The following CDK17 variants were observed in gnomAD, a reference collection of about 807,000 sequenced individuals.
CDK17 encodes the protein cyclin dependent kinase 17, also known as cyclin-dependent kinase 17.
Under a neutral mutation model 77.6 loss-of-function variants are expected in CDK17, and 24 were observed. The ratio of observed to expected loss-of-function variants is 0.31; its 90% CI spans 0.22 to 0.44. CDK17 has a LOEUF of 0.44. CDK17 is among the 20% of genes least tolerant of loss of function. The probability of loss-of-function intolerance (pLI) is 1.00; values close to 1 mark genes in which losing one functional copy is unlikely to be tolerated. For synonymous variants in CDK17, 203 were observed against 210.4 expected, an observed-to-expected ratio of 0.96 and a Z score of 0.30; for missense variants, 429 against 622.5, an observed-to-expected ratio of 0.69 and a Z score of 3.31.
intron 1 of CDK17, among the ~76,000 whole-genome samples, chr12:96,370,325 T>C (rs1440084174): frequency 6.6e-6 from 1 of 152,242 alleles, no homozygotes; most frequent in African/African-American, 2.4e-5. Context: ...AAAATGTGAA[T>C]ACATTTTCCT....
chr12:96,398,340 A>T (rs746056216), intron 1 of CDK17, among the ~76,000 whole-genome samples: 1 of 152,234 alleles, frequency 6.6e-6, no homozygotes, highest in Non-Finnish European at 1.5e-5. Flanking sequence ...AAAAATTGAA[A>T]TGACTTCATT....
At chr12:96,314,059 A>G (rs1190040321) in intron 3 of CDK17, among the ~76,000 whole-genome samples, 2 of 152,216 alleles carry the variant, frequency 1.3e-5, no homozygotes, top group African/African-American at 2.4e-5. Context: ...CAAGTTTATG[A>G]TCTTCAAATA....
intron 1 of CDK17, among the ~76,000 whole-genome samples, chr12:96,339,817 C>T (rs1953097927): frequency 6.6e-6 from 1 of 151,850 alleles, no homozygotes. Flanking sequence ...GTAATCCTAG[C>T]TACTTGGGCT....
intron 5 of CDK17, among the ~76,000 whole-genome samples, chr12:96,304,469 G>A (rs542098696): frequency 1.6e-4 from 25 of 152,102 alleles, no homozygotes; most frequent in Non-Finnish European, 3.2e-4. Flanking sequence ...CCCAGGAGGC[G>A]GAGATTGCAG....
At chr12:96,305,704 T>C (rs1176822575) in intron 5 of CDK17, among the ~76,000 whole-genome samples, 1 of 151,080 alleles carries the variant, frequency 6.6e-6, no homozygotes. Flanking sequence ...AAGGAGGGAG[T>C]TTTCGGTTAA....
rs750269573 is a variant in CDK17 at position 96,334,837 on chromosome 12, C to A, written c.-1G>T. 2.0e-6 allele frequency: 3 copies of A among 1,485,080 alleles called. No homozygotes were observed. The highest frequency in any genetic ancestry group is 2.8e-6 in the Non-Finnish European group (3 of 1,063,306). The allele number at this position is 1,485,080 out of a possible 1,614,324, so 92.0% of individuals were successfully genotyped here. A position where few individuals can be genotyped will look rare whatever the true frequency, so the allele number is the denominator to read the frequency against. On this transcript the variant is annotated 5_prime_UTR_variant, in exon 2 of 17. Coordinates refer to ENST00000261211, the MANE Select transcript of CDK17 (RefSeq NM_002595.5). The stretch of plus-strand genomic sequence containing the variant: ...ATAGCCTTCTCTTAAATTTTTTCAT[C>A]CTATCAATTGAATGTGGCTTGAAAA...
intron 1 of CDK17, among the ~76,000 whole-genome samples, chr12:96,380,381 A>G (rs1222569254): frequency 6.6e-6 from 1 of 150,642 alleles, no homozygotes; most frequent in East Asian, 2.0e-4. Context: ...TCCTGGGTTC[A>G]TATAATTCTC....
intron 1 of CDK17, among the ~76,000 whole-genome samples, chr12:96,336,034 C>G (rs1321402534): frequency 6.6e-6 from 1 of 152,072 alleles, no homozygotes; most frequent in Non-Finnish European, 1.5e-5. Context: ...TTCTAAGTAA[C>G]TGAGTTTACT....
chr12:96,317,997 G>T (rs1380536442), intron 3 of CDK17, among the ~76,000 whole-genome samples: 1 of 151,990 alleles, frequency 6.6e-6, no homozygotes, highest in East Asian at 1.9e-4. Flanking sequence ...AAAAGACACA[G>T]ACTGGCAAGT....
chr12:96,296,412 ATG>A (rs1422600707), intron 9 of CDK17, among the ~76,000 whole-genome samples: 1 of 152,234 alleles, frequency 6.6e-6, no homozygotes, highest in Non-Finnish European at 1.5e-5. Context: ...ATCCTTAGCA[ATG>A]TGTTATCCAT....
At chr12:96,348,262 C>G (rs1035692624) in intron 1 of CDK17, among the ~76,000 whole-genome samples, 20 of 151,700 alleles carry the variant, frequency 1.3e-4, no homozygotes, top group African/African-American at 4.6e-4. Context: ...TTTAAAAGAT[C>G]AACAAAATAG....
intron 1 of CDK17, among the ~76,000 whole-genome samples, chr12:96,341,713 T>C (rs1953125012): frequency 6.6e-6 from 1 of 152,176 alleles, no homozygotes; most frequent in South Asian, 2.1e-4. Flanking sequence ...AAAATATGCA[T>C]ACCATACACT....
At chr12:96,329,036 G>C (rs956173350) in intron 2 of CDK17, among the ~76,000 whole-genome samples, 2 of 152,150 alleles carry the variant, frequency 1.3e-5, no homozygotes, top group African/African-American at 4.8e-5. Context: ...AGGGAAATAA[G>C]TCAGACACAA....
chr12:96,311,934 T>C (rs561425414), intron 4 of CDK17, among the ~76,000 whole-genome samples: 19 of 152,162 alleles, frequency 1.2e-4, no homozygotes, highest in Admixed American at 8.5e-4. Context: ...AATGTATCAA[T>C]AGAATAAACA....
At chr12:96,349,553 G>C (rs1482550401) in intron 1 of CDK17, among the ~76,000 whole-genome samples, 1 of 130,900 alleles carries the variant, frequency 7.6e-6, no homozygotes, top group Non-Finnish European at 1.6e-5. Flanking sequence ...AAAAAAAAAA[G>C]GATTTTACAA....
intron 1 of CDK17, among the ~76,000 whole-genome samples, chr12:96,391,834 A>C (rs1300202437): frequency 6.6e-6 from 1 of 152,220 alleles, no homozygotes; most frequent in African/African-American, 2.4e-5. Flanking sequence ...GTTGGCCTAC[A>C]AACTGCTCTA....
chr12:96,291,628 CT>C (rs1164677307), intron 10 of CDK17, among the ~76,000 whole-genome samples: 208 of 117,766 alleles, frequency 1.8e-3, no homozygotes, highest in Non-Finnish European at 1.6e-3. Context: ...ATTCCTTTTG[CT>C]TTTTTTTTTT....
chr12:96,297,195 TG>T, intron 9 of CDK17, 74 bp downstream of exon 9: 1 of 871,476 alleles, frequency 1.1e-6, no homozygotes, highest in Non-Finnish European at 1.8e-6. Context: ...GTTATGAGGC[TG>T]GTACATTTCA....
chr12:96,346,033 T>G (rs1296142044), intron 1 of CDK17, among the ~76,000 whole-genome samples: 16 of 152,198 alleles, frequency 1.1e-4, no homozygotes, highest in Admixed American at 9.8e-4. Flanking sequence ...CTAAATGCTG[T>G]CTATAAGAGA....
Sources: gnomAD v4.1 joint callset for allele counts (sites outside exome capture counted in the v4.1 genomes callset) on GRCh38, gnomAD v4.1.1 for gene constraint, MANE v1.5 for transcripts, NCBI Gene and HGNC (gene_info 2026-07-23, HGNC 2026-07-21) for gene names.